The following ENTREP2 variants were observed in gnomAD, a reference collection of about 807,000 sequenced individuals.
ENTREP2 encodes the protein protein ENTREP2.
At chr15:29,647,518 T>G in the ENTREP2 span, among the ~76,000 whole-genome samples, 1 of 152,202 alleles carries the variant, frequency 6.6e-6, no homozygotes, top group African/African-American at 2.4e-5. Context: ...TAATGTACAG[T>G]ACAGGCAAAT....
chr15:29,321,997 A>T, the ENTREP2 span, among the ~76,000 whole-genome samples: 2 of 152,058 alleles, frequency 1.3e-5, no homozygotes, highest in Admixed American at 1.3e-4. Flanking sequence ...ATTTAAATTT[A>T]AAAAAAAGGA....
the ENTREP2 span, among the ~76,000 whole-genome samples, chr15:29,398,157 C>A: frequency 6.7e-6 from 1 of 148,948 alleles, no homozygotes; most frequent in Non-Finnish European, 1.5e-5. Flanking sequence ...TCCTCATCTA[C>A]TACACATACT....
At chr15:29,351,764 C>T in the ENTREP2 span, among the ~76,000 whole-genome samples, 1 of 152,128 alleles carries the variant, frequency 6.6e-6, no homozygotes, top group Non-Finnish European at 1.5e-5. Flanking sequence ...CCATCTCAGC[C>T]TCCCAAGTTG....
the ENTREP2 span, among the ~76,000 whole-genome samples, chr15:29,347,023 AG>A: frequency 6.6e-6 from 1 of 152,220 alleles, no homozygotes; most frequent in African/African-American, 2.4e-5. Context: ...CATGGTCCAA[AG>A]AAAAGTTTGG....
the ENTREP2 span, among the ~76,000 whole-genome samples, chr15:29,461,303 A>G: frequency 6.6e-6 from 1 of 152,166 alleles, no homozygotes; most frequent in African/African-American, 2.4e-5. Context: ...CTGTTCTAAA[A>G]CAATGCTTAT....
chr15:29,167,263 G>T, the ENTREP2 span, among the ~76,000 whole-genome samples: 2 of 152,026 alleles, frequency 1.3e-5, no homozygotes, highest in Non-Finnish European at 2.9e-5. Context: ...GCTTAGGCAA[G>T]GATTTCATGA....
the ENTREP2 span, among the ~76,000 whole-genome samples, chr15:29,389,671 G>T: frequency 6.6e-6 from 1 of 152,302 alleles, no homozygotes. Context: ...CTTGCCGTGG[G>T]CATCAGGCTC....
chr15:29,221,743 C>T, the ENTREP2 span, among the ~76,000 whole-genome samples: 2 of 152,048 alleles, frequency 1.3e-5, no homozygotes, highest in Non-Finnish European at 1.5e-5. Context: ...AAGTAGAGCT[C>T]CACTTTGCTG....
At chr15:29,180,537 G>A in the ENTREP2 span, among the ~76,000 whole-genome samples, 13 of 152,138 alleles carry the variant, frequency 8.5e-5, no homozygotes, top group African/African-American at 2.4e-4. Context: ...GGTGGCACAC[G>A]GCTGTGATCC....
At chr15:29,590,071 CAGA>C in the ENTREP2 span, among the ~76,000 whole-genome samples, 1 of 152,126 alleles carries the variant, frequency 6.6e-6, no homozygotes, top group Non-Finnish European at 1.5e-5. Flanking sequence ...AAAAAATGAT[CAGA>C]AGATCTTATT....
the ENTREP2 span, among the ~76,000 whole-genome samples, chr15:29,356,106 T>TTTTTTTTTTTTTTTTTTTTG: frequency 6.6e-6 from 1 of 151,448 alleles, no homozygotes; most frequent in African/African-American, 2.4e-5. Flanking sequence ...ACTCTATTCT[T>TTTTTTTTTTTTTTTTTTTTG]AAAACAAGTG....
At chr15:29,564,751 C>T in the ENTREP2 span, among the ~76,000 whole-genome samples, 36 of 152,296 alleles carry the variant, frequency 2.4e-4, no homozygotes, top group South Asian at 6.8e-3. Flanking sequence ...GAGGCCACTG[C>T]GGCTCTTCTC....
At chr15:29,642,778 A>G in the ENTREP2 span, among the ~76,000 whole-genome samples, 1 of 151,964 alleles carries the variant, frequency 6.6e-6, no homozygotes, top group Non-Finnish European at 1.5e-5. Flanking sequence ...ACACACGGCT[A>G]ATTTTTTGTA....
chr15:29,141,249 G>A, the ENTREP2 span, among the ~76,000 whole-genome samples: 4 of 152,346 alleles, frequency 2.6e-5, no homozygotes, highest in East Asian at 5.8e-4. Flanking sequence ...GAGTCAGACC[G>A]CAAGTCAGTT....
chr15:29,389,603 T>C, the ENTREP2 span, among the ~76,000 whole-genome samples: 47 of 151,900 alleles, frequency 3.1e-4, no homozygotes, highest in African/African-American at 1.1e-3. Flanking sequence ...TTGGAAACAC[T>C]GTGATGCTCG....
chr15:29,130,465 C>T, the ENTREP2 span, among the ~76,000 whole-genome samples: 1 of 152,194 alleles, frequency 6.6e-6, no homozygotes, highest in East Asian at 1.9e-4. Flanking sequence ...CCGTATCTAA[C>T]CCTCTCTCGG....
At chr15:29,131,935 G>A in the ENTREP2 span, among the ~76,000 whole-genome samples, 2 of 137,442 alleles carry the variant, frequency 1.5e-5, no homozygotes, top group Non-Finnish European at 3.4e-5. Flanking sequence ...GAAAGAGAAT[G>A]GCATCTGACC....
the ENTREP2 span, among the ~76,000 whole-genome samples, chr15:29,640,556 G>A: frequency 2.6e-5 from 4 of 152,158 alleles, no homozygotes; most frequent in Admixed American, 2.6e-4. Flanking sequence ...CAGCTACTCT[G>A]GGAGATGGAG....
the ENTREP2 span, among the ~76,000 whole-genome samples, chr15:29,186,968 G>A: frequency 6.6e-6 from 1 of 152,164 alleles, no homozygotes; most frequent in South Asian, 2.1e-4. Context: ...CCAACCATCT[G>A]TGTTCCCATT....
Sources: gnomAD v4.1 joint callset for allele counts (sites outside exome capture counted in the v4.1 genomes callset) on GRCh38, gnomAD v4.1.1 for gene constraint, MANE v1.5 for transcripts, NCBI Gene and HGNC (gene_info 2026-07-23, HGNC 2026-07-21) for gene names.